The following ATAD5 variants were observed in gnomAD, a reference collection of about 807,000 sequenced individuals.
The protein encoded by ATAD5 is ATPase family AAA domain containing 5.
In ATAD5, 58 loss-of-function variants were observed where a neutral mutation model predicts 176.9. The ratio of observed to expected loss-of-function variants is 0.33; its 90% CI spans 0.27 to 0.41. ATAD5 has a LOEUF of 0.41. ATAD5 is among the 10% of genes least tolerant of loss of function. The pLI, the probability that ATAD5 is intolerant of heterozygous loss-of-function variation, is 1.00. For missense variants in ATAD5, 1,789 were observed against 2,094.1 expected, an observed-to-expected ratio of 0.85 and a Z score of 2.84; for synonymous variants, 640 against 712.6, an observed-to-expected ratio of 0.90 and a Z score of 1.62.
intron 16 of ATAD5, 104 bp from the exon 17 acceptor site, chr17:30,877,899 A>G (rs1908767133): frequency 2.5e-6 from 2 of 808,436 alleles, no homozygotes; most frequent in African/African-American, 3.5e-5. Flanking sequence ...TTCACACTTC[A>G]TAAATTCATA....
Position 30,894,965 on chromosome 17 carries a change from C to CT in ATAD5, c.*52_*53insT. On this transcript the variant is annotated 3_prime_UTR_variant, in exon 23 of 23. Coordinates refer to ENST00000321990, the MANE Select transcript of ATAD5 (RefSeq NM_024857.5). ...AGATTATCATGTGGTCCTTAAGATA[C>CT]ATTTTTATATTATGTGGATCTTCAT... The CT allele has an allele frequency of 8.3e-7, 1 of 1,207,424 alleles. No individual in the cohort carries two copies. Among genetic ancestry groups the CT allele is most frequent in the Non-Finnish European group, 1.1e-6 (1 of 870,096 alleles). The allele number at this position is 1,207,424 out of a possible 1,614,324, so 74.8% of individuals were successfully genotyped here.
Position 30,893,415 on chromosome 17 carries a change from C to A in ATAD5, c.4562C>A (p.Thr1521Asn). The change falls in exon 21 of 23, where the codon ACC becomes AAC. Residue 1521 changes from threonine (T) to asparagine (N), a missense_variant. Coordinates refer to ENST00000321990, the MANE Select transcript of ATAD5 (RefSeq NM_024857.5). ...LEFILPLPVDTIPETKNFCGP... is the reference protein window; with the variant it reads ...LEFILPLPVDNIPETKNFCGP... ...TTTATTCTACCATTACCAGTTGATA[C>A]CATTCCAGAAACTAAAAACTTTTGT... The A allele has an allele frequency of 6.2e-7, 1 of 1,613,402 alleles. No homozygotes were observed. Among genetic ancestry groups the A allele is most frequent in the Non-Finnish European group, 8.5e-7 (1 of 1,179,536 alleles).
In ATAD5 at chr17:30,832,180, C is replaced by T; in HGVS notation, c.-168C>T. On this transcript the variant is annotated 5_prime_UTR_variant, in exon 1 of 23. Transcript: ENST00000321990. ...CCGTGTTCGATTCGGCTGATCTGGG[C>T]CCAGCCTCCGCTCCCGCTCTCTGTC... 1 of 436,222 alleles carries T rather than the reference C, an allele frequency of 2.3e-6. No homozygotes were observed. Among genetic ancestry groups the T allele is most frequent in the Non-Finnish European group, 4.0e-6 (1 of 248,704 alleles). The allele number at this position is 436,222 out of a possible 1,614,324, so 27.0% of individuals were successfully genotyped here.
chr17:30,894,037 G>A lies in ATAD5; in HGVS notation c.5184G>A (p.Leu1728=), dbSNP rs532149085. Residue 1728 remains leucine (L), a synonymous_variant, in exon 21 of 23, where the codon TTG becomes TTA. Transcript: ENST00000321990. ...TKCSSAISKA[L]ETLNSCKKLG... ...GTTCTTCTGCTATTTCAAAAGCATT[G>A]GAAACCTTGAATTCTTGCAAGAAAT... The A allele has an allele frequency of 6.2e-7, 1 of 1,612,602 alleles. No individual in the cohort carries two copies. Among genetic ancestry groups the A allele is most frequent in the East Asian group, 2.2e-5 (1 of 44,820 alleles).
chr17:30,891,170 G>T (rs56198690), intron 19 of ATAD5, among the ~76,000 whole-genome samples: 1 of 152,150 alleles, frequency 6.6e-6, no homozygotes, highest in Non-Finnish European at 1.5e-5. Flanking sequence ...GTTGTTGTCA[G>T]ACTGCCCTCT....
intron 6 of ATAD5, among the ~76,000 whole-genome samples, chr17:30,848,794 G>C (rs1406500588): frequency 6.6e-6 from 1 of 152,014 alleles, no homozygotes; most frequent in Non-Finnish European, 1.5e-5. Context: ...ATGCTCTTTT[G>C]TGTCTGGCTT....
intron 18 of ATAD5, among the ~76,000 whole-genome samples, chr17:30,885,935 T>G (rs1216722514): frequency 6.6e-6 from 1 of 152,114 alleles, no homozygotes; most frequent in African/African-American, 2.4e-5. Context: ...TTTCTTAGAA[T>G]TTTTATCAAG....
At chr17:30,857,777 G>C (rs1484629050) in intron 8 of ATAD5, among the ~76,000 whole-genome samples, 2 of 140,642 alleles carry the variant, frequency 1.4e-5, no homozygotes, top group African/African-American at 2.6e-5. Context: ...GTCTCACCCT[G>C]TTGCCCAGGC....
chr17:30,869,597 C>G lies in ATAD5; in HGVS notation c.3558C>G (p.Asn1186Lys). 6.2e-7 allele frequency: 1 copy of G among 1,602,482 alleles called. No individual in the cohort carries two copies. The highest frequency in any genetic ancestry group is 8.5e-7 in the Non-Finnish European group (1 of 1,177,438). ...ATCAAGTAGACAAACAAGGTGTAAA[C>G]TCACAAAAACCCTGTTTTTTTAATA... is the stretch of plus-strand genomic sequence containing the variant. ...QSHQVDKQGV[N>K]SQKPCFFNSY... The change falls in exon 14 of 23, where the codon AAC (asparagine) becomes AAG (lysine). Residue 1186 changes from asparagine to lysine, a missense_variant. Asn to Lys is a moderately conservative substitution (Grantham distance 94). Around this residue, in one of 6 missense-constraint regions of ATAD5, gnomAD observed 194 missense variants for 270.1 expected, o/e 0.72. Transcript: ENST00000321990.
At chr17:30,861,439 G>A (rs918585432) in intron 10 of ATAD5, among the ~76,000 whole-genome samples, 2 of 150,920 alleles carry the variant, frequency 1.3e-5, no homozygotes, top group East Asian at 1.9e-4. Flanking sequence ...AGAACCTCAC[G>A]GATTATGGGC....
chr17:30,868,374 G>A lies in ATAD5; in HGVS notation c.3275G>A (p.Arg1092Lys), dbSNP rs759695377. The A allele has an allele frequency of 2.5e-6, 4 of 1,579,874 alleles. No homozygotes were observed. Among genetic ancestry groups the A allele is most frequent in the Non-Finnish European group, 3.4e-6 (4 of 1,167,320 alleles). Residue 1092 changes from arginine to lysine, a missense_variant, in exon 12 of 23, where the codon AGG (arginine) becomes AAG (lysine). By Grantham distance (26) the Arg-to-Lys change is conservative (BLOSUM62 2). Around this residue, in one of 6 missense-constraint regions of ATAD5, gnomAD observed 487 missense variants for 573.6 expected, o/e 0.85. Transcript: ENST00000321990. Reference sequence around the variant, plus strand: ...AAAAGAAGAGCTGAATTGGAAGAAAGGCAGAATCTGAAGGGAAAAAGAGAT... The same window carrying A: ...AAAAGAAGAGCTGAATTGGAAGAAAAGCAGAATCTGAAGGGAAAAAGAGAT... Reference protein sequence around the residue: ...DWKRRAELEERQNLKGKRDEK... With the variant: ...DWKRRAELEEKQNLKGKRDEK...
chr17:30,835,513 C>T lies in ATAD5; in HGVS notation c.1432C>T (p.Leu478=). 3 of 1,606,406 alleles carry T rather than the reference C, an allele frequency of 1.9e-6. No individual in the cohort carries two copies. The highest frequency in any genetic ancestry group is 2.5e-6 in the Non-Finnish European group (3 of 1,178,286). Residue 478 remains leucine (L), a synonymous_variant, in exon 2 of 23, where the codon CTA becomes TTA. Transcript: ENST00000321990. ...TTTTCTGAAGGAGAAAAATAAAAAG[C>T]TAAAGAAGAAGAATAAGAAAACATT... ...GSFLKEKNKK[L]KKKNKKTLDT...
chr17:30,874,607 C>CTATTTATTTATTTATTTATT lies in ATAD5; in HGVS notation c.3608-1745_3608-1726dup, dbSNP rs200064158. ...TTTTTATAAATTGATATCTGTTCAA[C>CTATTTATTTATTTATTTATT]TATTTATTTATTTATTTATTTATTT... On this transcript the variant is annotated intron_variant, in intron 14 of 22. Transcript: ENST00000321990. Among the ~76,000 whole-genome samples the CTATTTATTTATTTATTTATT allele has an allele frequency of 2.2e-3, 298 of 133,240 alleles. 3 individuals carry two copies. The highest frequency in any genetic ancestry group is 8.1e-3 in the African/African-American group (280 of 34,776). The allele number at this position is 133,240 out of a possible 152,430, so 87.4% of individuals were successfully genotyped here.
chr17:30,857,944 G>A (rs1046029101), intron 8 of ATAD5, among the ~76,000 whole-genome samples: 2 of 152,138 alleles, frequency 1.3e-5, no homozygotes, highest in African/African-American at 4.8e-5. Flanking sequence ...GTTTTGCCAT[G>A]TTGGCTAGGC....
At chr17:30,870,589 G>A (rs1340244109) in intron 14 of ATAD5, among the ~76,000 whole-genome samples, 1 of 152,082 alleles carries the variant, frequency 6.6e-6, no homozygotes, top group Admixed American at 6.6e-5. Context: ...AATTTTAAAA[G>A]GAAGCACTAT....
chr17:30,846,996 G>T (rs1463072018), intron 6 of ATAD5, among the ~76,000 whole-genome samples: 1 of 152,114 alleles, frequency 6.6e-6, no homozygotes, highest in Non-Finnish European at 1.5e-5. Flanking sequence ...TGGGATTACA[G>T]GTATGAGCCA....
chr17:30,865,811 T>C lies in ATAD5; in HGVS notation c.3233+11T>C. 6.8e-7 allele frequency: 1 copy of C among 1,478,860 alleles called. No homozygotes were observed. Among genetic ancestry groups the C allele is most frequent in the Non-Finnish European group, 9.2e-7 (1 of 1,091,648 alleles). The allele number at this position is 1,478,860 out of a possible 1,614,324, so 91.6% of individuals were successfully genotyped here. A position where few individuals can be genotyped will look rare whatever the true frequency, so the allele number is the denominator to read the frequency against. ...AAAAAAGTTACATAGGTTGGTAAAA[T>C]GTGTAAGGAATTGAGAAATAGTTTA... On this transcript the variant is annotated intron_variant, in intron 11 of 22. Coordinates refer to ENST00000321990, the MANE Select transcript of ATAD5 (RefSeq NM_024857.5).
chr17:30,872,088 A>C (rs931651430), intron 14 of ATAD5, among the ~76,000 whole-genome samples: 1 of 151,992 alleles, frequency 6.6e-6, no homozygotes, highest in Non-Finnish European at 1.5e-5. Context: ...AATTAAAAGA[A>C]ATTTTTTTTT....
intron 19 of ATAD5, among the ~76,000 whole-genome samples, chr17:30,888,085 G>A (rs148487616): frequency 0.029 from 4,329 of 151,484 alleles, 215 homozygotes; most frequent in African/African-American, 0.1. Flanking sequence ...CACTTGCCTC[G>A]GCCTCCCAAA....
Sources: gnomAD v4.1 joint callset for allele counts (sites outside exome capture counted in the v4.1 genomes callset) on GRCh38, gnomAD v4.1.1 for gene constraint, gnomAD v4.1.1 regional missense constraint, MANE v1.5 for transcripts, NCBI Gene and HGNC (gene_info 2026-07-23, HGNC 2026-07-21) for gene names.